Variants in MAOA observed in about 807,000 individuals in gnomAD.
The protein encoded by MAOA is amine oxidase [flavin-containing] A.
MAOA carries 6 observed loss-of-function variants against 42.0 expected under a neutral mutation model. The observed-to-expected ratio is 0.14, with a 90% CI of 0.08 to 0.28. The LOEUF (loss-of-function observed/expected upper bound fraction) is 0.28, where lower values mean the gene tolerates loss of function less well. Among genes scored for constraint, MAOA ranks in the 10% least tolerant of loss-of-function variants. The pLI, the probability that MAOA is intolerant of heterozygous loss-of-function variation, is 1.00. For missense variants in MAOA, 262 were observed against 422.3 expected, an observed-to-expected ratio of 0.62 and a Z score of 3.33; for synonymous variants, 140 against 154.0, an observed-to-expected ratio of 0.91 and a Z score of 0.67.
intron 2 of MAOA, among the ~76,000 whole-genome samples, chrX:43,688,116 A>G (rs1221132210): frequency 4.4e-5 from 5 of 112,378 alleles, no homozygotes; most frequent in Admixed American, 3.8e-4. Context: ...TGTCCTTACA[A>G]TGTCCTGTGA....
At chrX:43,721,368 G>A (rs2033787228) in intron 5 of MAOA, among the ~76,000 whole-genome samples, 1 of 111,721 alleles carries the variant, frequency 9.0e-6, no homozygotes, top group Non-Finnish European at 1.9e-5. Context: ...TTGCAGGACT[G>A]GTCTAGAGGC....
chrX:43,693,203 A>G (rs1393154898), intron 2 of MAOA, 88 bp from the exon 3 acceptor site: 2 of 971,811 alleles, frequency 2.1e-6, no homozygotes, highest in Admixed American at 2.3e-5. Context: ...ATTAACTTTT[A>G]AAAAAATAAA....
intron 1 of MAOA, among the ~76,000 whole-genome samples, chrX:43,667,009 G>GGGGA (rs1555941993): frequency 1.0e-5 from 1 of 97,622 alleles, no homozygotes; most frequent in Admixed American, 1.1e-4. Flanking sequence ...GGGGGGCGGG[G>GGGGA]GGGATAGCAT....
chrX:43,682,668 C>T (rs1173019538), intron 1 of MAOA, among the ~76,000 whole-genome samples: 1 of 111,500 alleles, frequency 9.0e-6, no homozygotes, highest in Non-Finnish European at 1.9e-5. Context: ...GAACATACTT[C>T]CCACTCCTTA....
chrX:43,732,669 G>T lies in MAOA; in HGVS notation c.956-30G>T, dbSNP rs778434329. ...GGGTGTCTCTGATGAGCTTGATCTCGATCTCCCATTGATTTTTCTCCTGGT... is the reference window on the plus strand; with the variant it reads ...GGGTGTCTCTGATGAGCTTGATCTCTATCTCCCATTGATTTTTCTCCTGGT... On this transcript the variant is annotated intron_variant, in intron 8 of 14. Coordinates refer to ENST00000338702, the MANE Select transcript of MAOA (RefSeq NM_000240.4). 5.0e-6 allele frequency: 5 copies of T among 990,745 alleles called. No homozygotes were observed. The South Asian group carries it at 5.7e-5, about 11-fold the overall frequency. 81.6% of individuals were successfully genotyped at this position (990,745 alleles called of 1,213,427 possible).
chrX:43,667,137 ATAT>A (rs1344182994), intron 1 of MAOA, among the ~76,000 whole-genome samples: 1 of 110,780 alleles, frequency 9.0e-6, no homozygotes, highest in Non-Finnish European at 1.9e-5. Flanking sequence ...CTTAAAGTAT[ATAT>A]ATAAAAAAAG....
chrX:43,703,044 TTCCTAA>T (rs112562404), intron 3 of MAOA, among the ~76,000 whole-genome samples: 8,398 of 110,732 alleles, frequency 0.076, 803 homozygotes, highest in African/African-American at 0.26. Context: ...TCTGTGACTT[TTCCTAA>T]TCTGTAGATT....
At chrX:43,736,108 G>T in intron 9 of MAOA, 119 bp from the exon 10 acceptor site, 1 of 482,272 alleles carries the variant, frequency 2.1e-6, no homozygotes, top group Non-Finnish European at 3.6e-6. Context: ...AGAGGAGGAG[G>T]GTCTGAGAGA....
In MAOA at chrX:43,701,026, A is replaced by G. The variant is rs2283726; in HGVS notation, c.306+7598A>G. Among the ~76,000 whole-genome samples the G allele has an allele frequency of 5.3e-5, 6 of 112,585 alleles. No homozygotes were observed. In the East Asian group the frequency reaches 1.7e-3, roughly 31 times the overall value. Reference sequence around the variant, plus strand: ...CAGAAGGGATTGCTTTCTTCTCTCAATCACAATTCTGAGTAGGTTTTAAAA... The same window carrying G: ...CAGAAGGGATTGCTTTCTTCTCTCAGTCACAATTCTGAGTAGGTTTTAAAA... On this transcript the variant is annotated intron_variant, in intron 3 of 14. Coordinates refer to ENST00000338702, the MANE Select transcript of MAOA (RefSeq NM_000240.4).
chrX:43,656,768 T>C (rs1251839667), intron 1 of MAOA, among the ~76,000 whole-genome samples: 1 of 110,516 alleles, frequency 9.0e-6, no homozygotes, highest in Non-Finnish European at 1.9e-5. Context: ...GAAACTGAGG[T>C]CTGGGGAGTT....
At chrX:43,696,458 G>A (rs1193205139) in intron 3 of MAOA, among the ~76,000 whole-genome samples, 5 of 112,398 alleles carry the variant, frequency 4.4e-5, no homozygotes, top group South Asian at 3.6e-4. Context: ...GGCTAGGCGC[G>A]GTGGCTCATG....
chrX:43,705,010 G>C (rs2033649152), intron 3 of MAOA, among the ~76,000 whole-genome samples: 1 of 111,740 alleles, frequency 8.9e-6, no homozygotes, highest in South Asian at 3.7e-4. Flanking sequence ...ATATTGTTAG[G>C]GTGACAATAC....
rs1478242172 is a variant in MAOA at position 43,712,712 on chromosome X, C to A, written c.419C>A (p.Thr140Asn). The A allele has an allele frequency of 8.3e-7, 1 of 1,200,355 alleles. No homozygotes were observed. Among genetic ancestry groups the A allele is most frequent in the Admixed American group, 2.2e-5 (1 of 45,966 alleles). Residue 140 changes from threonine (T) to asparagine (N), a missense_variant, in exon 5 of 15, where the codon ACT becomes AAT. By Grantham distance (65) the Thr-to-Asn change is moderately conservative. This residue lies in a region of MAOA where 141 missense variants were observed against 195.6 expected (regional missense o/e 0.72). Coordinates refer to ENST00000338702, the MANE Select transcript of MAOA (RefSeq NM_000240.4). ...GACTTCCTTTCTCTACAGATTCCAA[C>A]TGATGCACCCTGGGAGGCTCAACAT... ...TIDNMGKEIP[T>N]DAPWEAQHAD...
chrX:43,665,992 C>T (rs148360420), intron 1 of MAOA, among the ~76,000 whole-genome samples: 1,166 of 111,995 alleles, frequency 0.01, 17 homozygotes, highest in African/African-American at 0.036. Flanking sequence ...CTTACTTAGG[C>T]GTAAAGGTTA....
At chrX:43,679,808 G>C (rs2033428761) in intron 1 of MAOA, among the ~76,000 whole-genome samples, 1 of 112,249 alleles carries the variant, frequency 8.9e-6, no homozygotes, top group African/African-American at 3.2e-5. Flanking sequence ...ATTACTTTGA[G>C]CCTAAAAATG....
intron 10 of MAOA, 62 bp downstream of exon 10, chrX:43,736,342 A>T: frequency 1.4e-6 from 1 of 730,866 alleles, no homozygotes; most frequent in African/African-American, 2.1e-5. Flanking sequence ...TTTTGCACTG[A>T]CAGTAGTAGA....
chrX:43,746,354 A>G lies in MAOA; in HGVS notation c.*1841A>G, dbSNP rs1200302392. 1 of 112,402 alleles carries G rather than the reference A, an allele frequency of 8.9e-6. No homozygotes were observed. The highest frequency in any genetic ancestry group is 1.9e-5 in the Non-Finnish European group (1 of 53,330). The allele number at this position is 112,402 out of a possible 1,213,427, so 9.3% of individuals were successfully genotyped here. On this transcript the variant is annotated 3_prime_UTR_variant, in exon 15 of 15. Coordinates refer to ENST00000338702, the MANE Select transcript of MAOA (RefSeq NM_000240.4). ...AATCTATGGATTGGGTATCAAAATG[A>G]ATGCCAGTCCAGATGTGCCTAGACA...
chrX:43,668,464 A>G (rs1407444392), intron 1 of MAOA, among the ~76,000 whole-genome samples: 2 of 112,365 alleles, frequency 1.8e-5, no homozygotes, highest in African/African-American at 6.5e-5. Flanking sequence ...CAAGAATATT[A>G]CTTTAGAAAA....
At chrX:43,727,261 C>T (rs1203522274) in intron 5 of MAOA, among the ~76,000 whole-genome samples, 2 of 112,216 alleles carry the variant, frequency 1.8e-5, no homozygotes, top group African/African-American at 6.5e-5. Context: ...TCTGCTGAAG[C>T]TGCACCCCCA....
Sources: gnomAD v4.1 joint callset for allele counts (sites outside exome capture counted in the v4.1 genomes callset) on GRCh38, gnomAD v4.1.1 for gene constraint, gnomAD v4.1.1 regional missense constraint, MANE v1.5 for transcripts, NCBI Gene and HGNC (gene_info 2026-07-23, HGNC 2026-07-21) for gene names.